The following ATRNL1 variants were observed in gnomAD, a reference collection of about 807,000 sequenced individuals.
ATRNL1 encodes attractin like 1, also known as attractin-like protein 1.
Under a neutral mutation model 182.7 loss-of-function variants are expected in ATRNL1, and 95 were observed. That is an observed-to-expected ratio of 0.52 (90% CI 0.44 to 0.62). ATRNL1 has a LOEUF of 0.62. Ranked by LOEUF, ATRNL1 falls within the 20% of genes least tolerant of loss-of-function variation. The pLI is 0.00. For synonymous variants in ATRNL1, 576 were observed against 568.3 expected (o/e 1.01, Z -0.19); for missense variants, 1,471 against 1,679.5 (o/e 0.88, Z 2.17).
intron 26 of ATRNL1, among the ~76,000 whole-genome samples, chr10:115,629,338 A>T (rs1858331899): frequency 6.6e-6 from 1 of 152,164 alleles, no homozygotes. Context: ...ACGGGATGTT[A>T]TAGGAGTGTA....
At chr10:115,730,264 A>C (rs1174948020) in intron 27 of ATRNL1, among the ~76,000 whole-genome samples, 20 of 145,812 alleles carry the variant, frequency 1.4e-4, no homozygotes, top group Admixed American at 3.4e-4. Flanking sequence ...AAAAAAAAAA[A>C]AAAAAAAAAA....
Position 115,803,938 on chromosome 10 carries a change from TAATA to T in ATRNL1, c.3904-43937_3904-43934del, listed in dbSNP as rs1402312245. On this transcript the variant is annotated intron_variant, in intron 27 of 28. Coordinates refer to ENST00000355044, the MANE Select transcript of ATRNL1 (RefSeq NM_207303.4). Reference sequence around the variant, plus strand: ...ATCTATGGACTACAGTACATCTGTTTAATAATTAGTAATTGTTATGCATTGTAAA... The same window carrying T: ...ATCTATGGACTACAGTACATCTGTTTATTAGTAATTGTTATGCATTGTAAA... Among the ~76,000 whole-genome samples, 11 of 152,326 alleles carry T rather than the reference TAATA, an allele frequency of 7.2e-5. No individual in the cohort carries two copies. The East Asian group carries it at 2.1e-3, about 29-fold the overall frequency.
intron 26 of ATRNL1, among the ~76,000 whole-genome samples, chr10:115,561,072 A>G (rs1853675309): frequency 6.6e-6 from 1 of 152,212 alleles, no homozygotes. Context: ...ATACAGAAGA[A>G]AATCTTCTTG....
chr10:115,440,999 T>C (rs1846647959), intron 21 of ATRNL1, among the ~76,000 whole-genome samples: 1 of 151,946 alleles, frequency 6.6e-6, no homozygotes, highest in African/African-American at 2.4e-5. Flanking sequence ...TTCCCATTTT[T>C]TTTTACCACC....
intron 27 of ATRNL1, among the ~76,000 whole-genome samples, chr10:115,773,987 G>A (rs1339679787): frequency 6.6e-6 from 1 of 152,084 alleles, no homozygotes; most frequent in African/African-American, 2.4e-5. Context: ...TAAACCTGAG[G>A]TTCAAGAGCC....
intron 5 of ATRNL1, among the ~76,000 whole-genome samples, chr10:115,146,816 G>C: frequency 1.2e-5 from 1 of 82,288 alleles, no homozygotes; most frequent in South Asian, 3.9e-4. Flanking sequence ...TTTTTTTTTT[G>C]TGGCTGACTA....
chr10:115,293,459 T>G (rs1275815645), intron 15 of ATRNL1, among the ~76,000 whole-genome samples: 6 of 152,190 alleles, frequency 3.9e-5, no homozygotes, highest in African/African-American at 1.4e-4. Flanking sequence ...TGTTCCTTTC[T>G]TCCTCTCTTA....
chr10:115,291,769 G>A (rs1466736075), intron 15 of ATRNL1, among the ~76,000 whole-genome samples: 2 of 142,848 alleles, frequency 1.4e-5, no homozygotes, highest in African/African-American at 5.2e-5. Flanking sequence ...GTATTTTGTT[G>A]AGCATTGTTG....
intron 26 of ATRNL1, among the ~76,000 whole-genome samples, chr10:115,698,764 G>A (rs782243881): frequency 1.1e-4 from 17 of 150,966 alleles, no homozygotes; most frequent in South Asian, 6.3e-4. Context: ...GCAACAGAGC[G>A]AGACTCCATC....
chr10:115,398,230 G>C (rs1333538944), intron 20 of ATRNL1, among the ~76,000 whole-genome samples: 2 of 152,030 alleles, frequency 1.3e-5, no homozygotes, highest in African/African-American at 4.8e-5. Flanking sequence ...GCAGTGGGCA[G>C]GGCATCAGTA....
At chr10:115,622,780 A>T (rs12261328) in intron 26 of ATRNL1, among the ~76,000 whole-genome samples, 1,663 of 152,194 alleles carry the variant, frequency 0.011, 29 homozygotes, top group African/African-American at 0.038. Context: ...ACAAAAAATT[A>T]GCCAGGCAAG....
At chr10:115,366,714 G>C (rs1263616859) in intron 19 of ATRNL1, among the ~76,000 whole-genome samples, 2 of 151,766 alleles carry the variant, frequency 1.3e-5, no homozygotes, top group Admixed American at 6.6e-5. Context: ...GGCAGGCCTG[G>C]TGGTGACAAA....
chr10:115,533,500 T>G (rs1424817315), intron 25 of ATRNL1, among the ~76,000 whole-genome samples: 2 of 152,114 alleles, frequency 1.3e-5, no homozygotes, highest in Non-Finnish European at 2.9e-5. Flanking sequence ...TCTTTTTTTC[T>G]TTATTAGTCT....
At chr10:115,215,579 T>C (rs1849197899) in intron 8 of ATRNL1, 118 bp from the exon 9 acceptor site, 7 of 785,202 alleles carry the variant, frequency 8.9e-6, no homozygotes, top group Non-Finnish European at 1.4e-5. Flanking sequence ...ATATTAGATA[T>C]ACAATGTTTA....
chr10:115,649,399 A>G (rs1026902255), intron 26 of ATRNL1, among the ~76,000 whole-genome samples: 1 of 152,042 alleles, frequency 6.6e-6, no homozygotes, highest in African/African-American at 2.4e-5. Flanking sequence ...TCCTTTATTT[A>G]TGTTATTGCT....
At chr10:115,094,354 TATG>T (rs1554862612) in intron 1 of ATRNL1, among the ~76,000 whole-genome samples, 1 of 152,210 alleles carries the variant, frequency 6.6e-6, no homozygotes, top group Non-Finnish European at 1.5e-5. Flanking sequence ...CACAATCAGT[TATG>T]ATGCCCAGCA....
At chr10:115,289,238 G>A (rs1303171512) in intron 15 of ATRNL1, among the ~76,000 whole-genome samples, 1 of 152,092 alleles carries the variant, frequency 6.6e-6, no homozygotes, top group South Asian at 2.1e-4. Flanking sequence ...CCCATGATTC[G>A]ATTACTTCCC....
At chr10:115,386,114 A>C (rs1370505929) in intron 19 of ATRNL1, among the ~76,000 whole-genome samples, 13 of 152,116 alleles carry the variant, frequency 8.5e-5, no homozygotes, top group Non-Finnish European at 1.9e-4. Flanking sequence ...TTGTATTGAA[A>C]TTTTATAAAA....
intron 28 of ATRNL1, among the ~76,000 whole-genome samples, chr10:115,933,163 C>G (rs1426926569): frequency 6.6e-6 from 1 of 152,186 alleles, no homozygotes; most frequent in Non-Finnish European, 1.5e-5. Flanking sequence ...TTAAAACAAA[C>G]AAACAACCAG....
Sources: allele counts gnomAD v4.1 joint callset (sites outside exome capture counted in the v4.1 genomes callset), GRCh38; gene constraint gnomAD v4.1.1; transcripts MANE v1.5; gene names NCBI Gene and HGNC (gene_info 2026-07-23, HGNC 2026-07-21).